CNNM2: variants seen among roughly 807,000 people sequenced by gnomAD.
The protein encoded by CNNM2 is metal transporter CNNM2.
Under a neutral mutation model 66.9 loss-of-function variants are expected in CNNM2, and 12 were observed. That is an observed-to-expected ratio of 0.18 (90% confidence interval 0.11 to 0.29). The LOEUF is 0.29. Among genes scored for constraint, CNNM2 ranks in the 10% least tolerant of loss-of-function variants. The pLI, the probability that CNNM2 is intolerant of heterozygous loss-of-function variation, is 1.00. For synonymous variants in CNNM2, 557 were observed against 501.8 expected (o/e 1.11, Z -1.47); for missense variants, 705 against 1,167.7 (o/e 0.60, Z 5.77).
At chr10:102,988,829 G>A (rs1455357426) in intron 1 of CNNM2, among the ~76,000 whole-genome samples, 1 of 152,148 alleles carries the variant, frequency 6.6e-6, no homozygotes, top group Non-Finnish European at 1.5e-5. Flanking sequence ...CAATAAGTTT[G>A]TTCTCCACGG....
chr10:102,939,169 G>A (rs1846341691), intron 1 of CNNM2, among the ~76,000 whole-genome samples: 2 of 152,140 alleles, frequency 1.3e-5, no homozygotes, highest in Non-Finnish European at 2.9e-5. Context: ...AACCTGCCTA[G>A]TTGTTTGAGG....
chr10:103,055,095 C>G (rs934406532), intron 3 of CNNM2, among the ~76,000 whole-genome samples: 1 of 152,208 alleles, frequency 6.6e-6, no homozygotes, highest in Non-Finnish European at 1.5e-5. Flanking sequence ...GTTTAAACCA[C>G]CAACCCAGCC....
chr10:102,926,825 C>T (rs959647485), intron 1 of CNNM2, among the ~76,000 whole-genome samples: 18 of 151,056 alleles, frequency 1.2e-4, no homozygotes, highest in African/African-American at 4.4e-4. Context: ...ATGCCATTCT[C>T]ATGCCTCAGC....
chr10:103,007,195 C>A (rs748832061), intron 1 of CNNM2, among the ~76,000 whole-genome samples: 9 of 152,062 alleles, frequency 5.9e-5, no homozygotes, highest in Non-Finnish European at 1.3e-4. Flanking sequence ...AGGGCCTGTA[C>A]GAACAGGGAG....
chr10:102,994,206 G>T (rs185786027), intron 1 of CNNM2, among the ~76,000 whole-genome samples: 1 of 152,248 alleles, frequency 6.6e-6, no homozygotes, highest in African/African-American at 2.4e-5. Flanking sequence ...CAAAGTGCTG[G>T]GATTACAGGC....
At chr10:103,062,711 G>T (rs1451143819) in intron 4 of CNNM2, among the ~76,000 whole-genome samples, 1 of 152,190 alleles carries the variant, frequency 6.6e-6, no homozygotes. Context: ...CTGGGCCTTT[G>T]TGTGTCCAAG....
intron 1 of CNNM2, among the ~76,000 whole-genome samples, chr10:102,951,389 G>A (rs1022644773): frequency 9.2e-5 from 14 of 151,962 alleles, no homozygotes; most frequent in Admixed American, 9.2e-4. Flanking sequence ...TAGAGACAGG[G>A]TTTCACCATG....
chr10:103,072,890 G>C (rs1484297136), intron 6 of CNNM2, among the ~76,000 whole-genome samples: 1 of 152,230 alleles, frequency 6.6e-6, no homozygotes. Context: ...TTGCGGACTA[G>C]GGCCGCCCCA....
intron 1 of CNNM2, among the ~76,000 whole-genome samples, chr10:102,994,679 T>A (rs2063956534): frequency 6.6e-6 from 1 of 152,266 alleles, no homozygotes; most frequent in South Asian, 2.1e-4. Flanking sequence ...TCCAGAATCA[T>A]GCTCATCTGC....
chr10:103,067,007 G>A (rs1340950202), intron 4 of CNNM2, among the ~76,000 whole-genome samples: 1 of 152,058 alleles, frequency 6.6e-6, no homozygotes, highest in Non-Finnish European at 1.5e-5. Flanking sequence ...AGAGGCAGTA[G>A]TTCTTCTCCT....
intron 1 of CNNM2, among the ~76,000 whole-genome samples, chr10:103,022,740 G>C (rs1393881624): frequency 2.6e-5 from 4 of 152,128 alleles, no homozygotes; most frequent in Admixed American, 6.6e-5. Flanking sequence ...AAGAAAAAAG[G>C]TTTATTTTGG....
chr10:103,016,135 C>T (rs1398978267), intron 1 of CNNM2, among the ~76,000 whole-genome samples: 1 of 152,062 alleles, frequency 6.6e-6, no homozygotes, highest in East Asian at 1.9e-4. Flanking sequence ...CCCCCAAGCC[C>T]CCCGCTTCCC....
At chr10:103,061,970 CTGAA>C (rs2065393689) in intron 4 of CNNM2, among the ~76,000 whole-genome samples, 1 of 152,112 alleles carries the variant, frequency 6.6e-6, no homozygotes, top group African/African-American at 2.4e-5. Flanking sequence ...AAATTTTTAA[CTGAA>C]TGGTAGACAA....
intron 1 of CNNM2, among the ~76,000 whole-genome samples, chr10:102,976,483 G>T (rs2063632251): frequency 7.1e-6 from 1 of 141,044 alleles, no homozygotes; most frequent in African/African-American, 2.6e-5. Context: ...ACCCAGGCTG[G>T]AGTGCAGGGG....
intron 1 of CNNM2, among the ~76,000 whole-genome samples, chr10:102,969,440 G>A (rs745656762): frequency 2.0e-5 from 3 of 151,264 alleles, no homozygotes; most frequent in Admixed American, 6.6e-5. Context: ...TCTCGAACTC[G>A]TGACCTTGTG....
Position 102,918,435 on chromosome 10 carries a change from C to A in CNNM2, c.-46C>A, listed in dbSNP as rs559760130. 4.4e-6 allele frequency: 7 copies of A among 1,574,870 alleles called. No homozygotes were observed. The highest frequency in any genetic ancestry group is 6.0e-6 in the Non-Finnish European group (7 of 1,166,348). On this transcript the variant is annotated 5_prime_UTR_variant, in exon 1 of 8. Transcript: ENST00000369878. This position sits in a 1 kb window ranked among gnomAD's most constrained non-coding sequence, Gnocchi z 4.1. The stretch of plus-strand genomic sequence containing the variant: ...GCCCAGGGGCCGGTACCTGCGCTCG[C>A]GCCGCCGGGTTGAAAGGATGAAGCC...
intron 1 of CNNM2, among the ~76,000 whole-genome samples, chr10:102,953,907 A>G (rs138025384): frequency 1.7e-3 from 262 of 152,060 alleles, no homozygotes; most frequent in African/African-American, 5.1e-3. Context: ...GTACTGTGCT[A>G]TTTAATTTTA....
chr10:102,997,779 C>T (rs929215705), intron 1 of CNNM2, among the ~76,000 whole-genome samples: 2 of 152,094 alleles, frequency 1.3e-5, no homozygotes, highest in Non-Finnish European at 2.9e-5. Flanking sequence ...AAGAAAGATA[C>T]ATTTTAATTT....
intron 1 of CNNM2, among the ~76,000 whole-genome samples, chr10:103,043,398 G>T (rs771213177): frequency 2.0e-5 from 3 of 152,106 alleles, no homozygotes; most frequent in African/African-American, 7.2e-5. Context: ...CATCAACATT[G>T]TCTGATAGCA....
Sources: allele counts gnomAD v4.1 joint callset (sites outside exome capture counted in the v4.1 genomes callset), GRCh38; gene constraint gnomAD v4.1.1; non-coding constraint Gnocchi (gnomAD v3.1); transcripts MANE v1.5; gene names NCBI Gene and HGNC (gene_info 2026-07-23, HGNC 2026-07-21).